USP13: variants seen among roughly 807,000 people sequenced by gnomAD.
USP13 encodes ubiquitin specific peptidase 13.
In USP13, 68 loss-of-function variants were observed where a neutral mutation model predicts 107.8. That is an observed-to-expected ratio of 0.63 (90% CI 0.52 to 0.77). The LOEUF is 0.77. Ranked by LOEUF, USP13 falls within the 30% of genes least tolerant of loss-of-function variation. USP13 has a pLI of 0.00. For missense variants in USP13, 945 were observed against 1,093.3 expected (o/e 0.86, Z 1.91); for synonymous variants, 377 against 389.5 (o/e 0.97, Z 0.38).
chr3:179,710,849 T>A (rs776715793), intron 6 of USP13, among the ~76,000 whole-genome samples: 2 of 152,232 alleles, frequency 1.3e-5, no homozygotes, highest in African/African-American at 2.4e-5. Flanking sequence ...GGTAAGTATT[T>A]GTGTATCTGG....
chr3:179,657,516 A>G lies in USP13; in HGVS notation c.168+4123A>G, dbSNP rs111608794. ...TGTGGCTCCCACCTGTAATTCCAGCACTTTGGGAGGCTGAGGTGGACAGAT... is the reference window on the plus strand; with the variant it reads ...TGTGGCTCCCACCTGTAATTCCAGCGCTTTGGGAGGCTGAGGTGGACAGAT... On this transcript the variant is annotated intron_variant, in intron 1 of 20. Coordinates refer to ENST00000263966, the MANE Select transcript of USP13 (RefSeq NM_003940.3). Among the ~76,000 whole-genome samples the G allele has an allele frequency of 8.0e-3, 1,218 of 152,234 alleles. 25 individuals are homozygous for G. Among genetic ancestry groups the G allele is most frequent in the African/African-American group, 0.028 (1,173 of 41,546 alleles).
At chr3:179,679,760 T>C (rs887708126) in intron 1 of USP13, among the ~76,000 whole-genome samples, 2 of 150,638 alleles carry the variant, frequency 1.3e-5, no homozygotes, top group Non-Finnish European at 3.0e-5. Flanking sequence ...AACACTTCCA[T>C]GCTGTGTGAA....
intron 15 of USP13, among the ~76,000 whole-genome samples, chr3:179,756,322 C>G (rs763254998): frequency 6.6e-6 from 1 of 152,148 alleles, no homozygotes; most frequent in African/African-American, 2.4e-5. Flanking sequence ...ACTCAGGAGG[C>G]TGAGGCAAGA....
At chr3:179,703,157 G>A (rs923058668) in intron 4 of USP13, among the ~76,000 whole-genome samples, 1 of 152,132 alleles carries the variant, frequency 6.6e-6, no homozygotes, top group Non-Finnish European at 1.5e-5. Context: ...AATGAAAAAA[G>A]AAGAGAGAAT....
chr3:179,674,047 C>G (rs1228068939), intron 1 of USP13, among the ~76,000 whole-genome samples: 1 of 152,184 alleles, frequency 6.6e-6, no homozygotes, highest in Non-Finnish European at 1.5e-5. Flanking sequence ...GCATGTGCCA[C>G]TACGCCCGGC....
At chr3:179,656,549 G>T (rs987510121) in intron 1 of USP13, among the ~76,000 whole-genome samples, 1 of 152,168 alleles carries the variant, frequency 6.6e-6, no homozygotes, top group African/African-American at 2.4e-5. Context: ...GGATGAGTGA[G>T]AATTTGTTTT....
At chr3:179,667,525 C>T (rs1018263583) in intron 1 of USP13, among the ~76,000 whole-genome samples, 13 of 152,266 alleles carry the variant, frequency 8.5e-5, no homozygotes, top group Non-Finnish European at 1.8e-4. Flanking sequence ...GTTCGTATGC[C>T]GATGGTTTCC....
At chr3:179,767,459 C>G (rs970053637) in intron 19 of USP13, among the ~76,000 whole-genome samples, 2 of 150,286 alleles carry the variant, frequency 1.3e-5, no homozygotes, top group African/African-American at 4.9e-5. Context: ...GAGTCTCACT[C>G]CATCACCCAG....
At chr3:179,655,824 A>G (rs1440037199) in intron 1 of USP13, among the ~76,000 whole-genome samples, 1 of 152,156 alleles carries the variant, frequency 6.6e-6, no homozygotes, top group Non-Finnish European at 1.5e-5. Context: ...AAGTGCCAGG[A>G]TTACAGGCGT....
At chr3:179,730,513 C>A in intron 9 of USP13, 103 bp from the exon 10 acceptor site, 1 of 975,788 alleles carries the variant, frequency 1.0e-6, no homozygotes, top group Non-Finnish European at 1.5e-6. Flanking sequence ...ATCAAATGCT[C>A]CACCTAACAG....
chr3:179,681,967 G>C lies in USP13; in HGVS notation c.258G>C (p.Gln86His). 6.2e-7 allele frequency: 1 copy of C among 1,614,090 alleles called. No homozygotes were observed. Among genetic ancestry groups the C allele is most frequent in the Non-Finnish European group, 8.5e-7 (1 of 1,179,992 alleles). ...AAAGACATTTTCGAAAAACTGGACAGAGTGTATACATGCACCTGAAAAGAC... is the reference window on the plus strand; with the variant it reads ...AAAGACATTTTCGAAAAACTGGACACAGTGTATACATGCACCTGAAAAGAC... ...HVERHFRKTG[Q>H]SVYMHLKRHV... Residue 86 changes from glutamine (Q) to histidine (H), a missense_variant, in exon 2 of 21, where the codon CAG (glutamine) becomes CAC (histidine). Coordinates refer to ENST00000263966, the MANE Select transcript of USP13 (RefSeq NM_003940.3).
intron 1 of USP13, among the ~76,000 whole-genome samples, chr3:179,660,757 A>G (rs1341531593): frequency 6.6e-6 from 1 of 152,272 alleles, no homozygotes; most frequent in Admixed American, 6.5e-5. Flanking sequence ...CCTGATGGAT[A>G]AACTGATACA....
intron 19 of USP13, among the ~76,000 whole-genome samples, chr3:179,773,375 G>A (rs1359591310): frequency 6.6e-6 from 1 of 152,116 alleles, no homozygotes; most frequent in Non-Finnish European, 1.5e-5. Context: ...GTTATTTTAG[G>A]GAGTGTTTTG....
chr3:179,727,170 T>G (rs1415126386), intron 8 of USP13, among the ~76,000 whole-genome samples: 5 of 150,296 alleles, frequency 3.3e-5, no homozygotes, highest in Non-Finnish European at 7.4e-5. Flanking sequence ...AATGTTTTTT[T>G]TTTTTTTTTT....
rs561480018 is a variant in USP13 at position 179,747,292 on chromosome 3, T to A, written c.1709+2075T>A. Among the ~76,000 whole-genome samples, 8 of 152,388 alleles carry A rather than the reference T, an allele frequency of 5.2e-5. No individual in the cohort carries two copies. The South Asian group carries it at 1.0e-3, about 20-fold the overall frequency. On this transcript the variant is annotated intron_variant, in intron 13 of 20. Transcript: ENST00000263966. ...TCTATTAGTGATGGAAGCAATTTTT[T>A]AAAATCATTGACAGTAGGTTTAAGA...
intron 18 of USP13, among the ~76,000 whole-genome samples, chr3:179,765,180 A>G (rs1265290156): frequency 1.3e-5 from 2 of 152,224 alleles, no homozygotes; most frequent in African/African-American, 4.8e-5. Context: ...TCATTAATCA[A>G]GATATTAATC....
At chr3:179,686,794 T>C (rs977157438) in intron 2 of USP13, among the ~76,000 whole-genome samples, 1 of 152,266 alleles carries the variant, frequency 6.6e-6, no homozygotes, top group African/African-American at 2.4e-5. Flanking sequence ...GGTGGATATG[T>C]TTTAGCTCTA....
chr3:179,689,781 G>A (rs1712043189), intron 2 of USP13, among the ~76,000 whole-genome samples: 1 of 152,174 alleles, frequency 6.6e-6, no homozygotes, highest in Non-Finnish European at 1.5e-5. Context: ...GACTATCAAT[G>A]ACTATTGATA....
At chr3:179,731,103 T>C (rs922275393) in intron 10 of USP13, among the ~76,000 whole-genome samples, 1 of 152,178 alleles carries the variant, frequency 6.6e-6, no homozygotes, top group Non-Finnish European at 1.5e-5. Flanking sequence ...TTCTCAAGAG[T>C]CTGGTTGTTA....
Sources: gnomAD v4.1 joint callset for allele counts (sites outside exome capture counted in the v4.1 genomes callset) on GRCh38, gnomAD v4.1.1 for gene constraint, MANE v1.5 for transcripts, NCBI Gene and HGNC (gene_info 2026-07-23, HGNC 2026-07-21) for gene names.